EGF: variants seen among roughly 807,000 people sequenced by gnomAD.
The protein encoded by EGF is pro-epidermal growth factor.
Under a neutral mutation model 143.8 loss-of-function variants are expected in EGF, and 95 were observed. That is an observed-to-expected ratio of 0.66 (90% CI 0.56 to 0.78). The LOEUF is 0.78. Ranked by LOEUF, EGF falls within the 30% of genes least tolerant of loss-of-function variation. The probability of loss-of-function intolerance (pLI) is 0.00; values close to 1 mark genes in which losing one functional copy is unlikely to be tolerated. For missense variants in EGF, 1,320 were observed against 1,470.9 expected (o/e 0.90, Z 1.68); for synonymous variants, 510 against 510.5 (o/e 1.00, Z 0.01).
Position 109,963,299 on chromosome 4 carries a change from G to A in EGF, c.1438+1G>A, listed in dbSNP as rs975502951. 1 of 1,613,774 alleles carries A rather than the reference G, an allele frequency of 6.2e-7. No individual in the cohort carries two copies. Among genetic ancestry groups the A allele is most frequent in the Non-Finnish European group, 8.5e-7 (1 of 1,179,868 alleles). ...GATGAAAAAAGCTGTGCAGCTTCAG[G>A]TTAGTGCTGTGGTTGTCTGGAACTG... is the stretch of plus-strand genomic sequence containing the variant. On this transcript the variant is annotated splice_donor_variant, in intron 9 of 23. Coordinates refer to ENST00000265171, the MANE Select transcript of EGF (RefSeq NM_001963.6). LOFTEE classifies it high-confidence loss of function.
At chr4:109,940,654 A>G (rs1741768026) in intron 1 of EGF, 2 of 331,020 alleles carry the variant, frequency 6.0e-6, no homozygotes, top group Non-Finnish European at 1.1e-5. Flanking sequence ...TTTTGAACAT[A>G]AAAAGGTATT....
At chr4:109,987,441 GTT>G (rs1433816665) in intron 16 of EGF, among the ~76,000 whole-genome samples, 3 of 151,954 alleles carry the variant, frequency 2.0e-5, no homozygotes, top group Non-Finnish European at 4.4e-5. Context: ...CTATACACCA[GTT>G]TTCAGTAGAG....
intron 16 of EGF, among the ~76,000 whole-genome samples, chr4:109,985,345 G>A (rs1749975062): frequency 6.6e-6 from 1 of 152,194 alleles, no homozygotes; most frequent in African/African-American, 2.4e-5. Context: ...CATCAACAAA[G>A]TGTCTATGGC....
chr4:109,984,234 A>G (rs148550702), intron 16 of EGF, among the ~76,000 whole-genome samples: 4 of 149,836 alleles, frequency 2.7e-5, no homozygotes, highest in African/African-American at 1.0e-4. Context: ...CACTTTAACA[A>G]GATGTATGTG....
In EGF at chr4:109,999,714, A is replaced by G. The variant is rs1170573018; in HGVS notation, c.3041A>G (p.Tyr1014Cys). ...VVGYIGERCQ[Y>C]RDLKWWELRH... ...GGCTACATCGGGGAGCGATGTCAGT[A>G]CCGAGACCTGAAGTGGTGGGAACTG... The change falls in exon 21 of 24, where the codon TAC becomes TGC. Residue 1014 changes from tyrosine (Y) to cysteine (C), a missense_variant. By Grantham distance (194) the Tyr-to-Cys change is radical. Transcript: ENST00000265171. 6.2e-7 allele frequency: 1 copy of G among 1,613,952 alleles called. No homozygotes were observed. Among genetic ancestry groups the G allele is most frequent in the African/African-American group, 1.3e-5 (1 of 74,902 alleles).
At chr4:109,993,091 T>C (rs1191599426) in intron 18 of EGF, among the ~76,000 whole-genome samples, 156 bp from the exon 19 acceptor site, 1 of 152,000 alleles carries the variant, frequency 6.6e-6, no homozygotes, top group Non-Finnish European at 1.5e-5. Context: ...GAACTTTAAG[T>C]ATAATAAAAA....
chr4:109,990,981 GGGGCA>G (rs986689303), intron 18 of EGF, among the ~76,000 whole-genome samples: 2 of 152,122 alleles, frequency 1.3e-5, no homozygotes, highest in Non-Finnish European at 2.9e-5. Flanking sequence ...ATGAATTGGA[GGGGCA>G]GGGACACATT....
intron 20 of EGF, among the ~76,000 whole-genome samples, chr4:109,996,359 T>A (rs954909276): frequency 3.3e-5 from 5 of 152,194 alleles, no homozygotes; most frequent in Non-Finnish European, 7.3e-5. Context: ...TTGCTACAAA[T>A]GACAAACTGG....
chr4:109,967,150 T>C (rs919774345), intron 10 of EGF, among the ~76,000 whole-genome samples: 1 of 152,214 alleles, frequency 6.6e-6, no homozygotes, highest in Non-Finnish European at 1.5e-5. Context: ...CTTTTAGTTC[T>C]TCTTCTAGGA....
At chr4:109,934,388 G>A (rs921287480) in intron 1 of EGF, among the ~76,000 whole-genome samples, 2 of 152,214 alleles carry the variant, frequency 1.3e-5, no homozygotes, top group African/African-American at 2.4e-5. Context: ...CATATCCTTC[G>A]TCCACTTTTT....
At position 109,914,411 on chromosome 4, in the gene EGF, A is replaced by C. The variant is rs188380852; in HGVS notation, c.127+949A>C. ...GAGACACCTATGGAAGACAGTACAC[A>C]ATAGGCAATAGTTTGAATAAAGAGA... On this transcript the variant is annotated intron_variant, in intron 1 of 23. Coordinates refer to ENST00000265171, the MANE Select transcript of EGF (RefSeq NM_001963.6). 9.2e-5 allele frequency among the ~76,000 whole-genome samples: 14 copies of C among 152,330 alleles called. 1 individual carries two copies. The Middle Eastern group carries it at 0.01, about 111-fold the overall frequency.
At chr4:110,004,382 T>G (rs1752981329) in intron 21 of EGF, 123 bp from the exon 22 acceptor site, 1 of 830,354 alleles carries the variant, frequency 1.2e-6, no homozygotes, top group Non-Finnish European at 2.1e-6. Context: ...TTCATATTTC[T>G]TCTCTCCCAC....
chr4:109,985,434 A>G (rs1749989345), intron 16 of EGF, among the ~76,000 whole-genome samples: 1 of 152,242 alleles, frequency 6.6e-6, no homozygotes, highest in Non-Finnish European at 1.5e-5. Context: ...TGGGCCCTGT[A>G]TGAAACAACC....
At chr4:109,924,263 T>C (rs373869757) in intron 1 of EGF, among the ~76,000 whole-genome samples, 3 of 151,562 alleles carry the variant, frequency 2.0e-5, no homozygotes, top group Non-Finnish European at 4.4e-5. Context: ...AAATTTACAA[T>C]GCACATGACA....
chr4:109,934,702 A>C lies in EGF; in HGVS notation c.128-6244A>C, dbSNP rs546910370. 2.0e-5 allele frequency among the ~76,000 whole-genome samples: 3 copies of C among 152,172 alleles called. No homozygotes were observed. The South Asian group carries it at 6.2e-4, about 31-fold the overall frequency. On this transcript the variant is annotated intron_variant, in intron 1 of 23. Transcript: ENST00000265171. Reference sequence around the variant, plus strand: ...GGGTTTTTATGGTTTTAGGTCTTACATTTAAGTCTTTAATCAATCTTGAGT... The same window carrying C: ...GGGTTTTTATGGTTTTAGGTCTTACCTTTAAGTCTTTAATCAATCTTGAGT...
At position 109,941,816 on chromosome 4, in the gene EGF, A is replaced by T. The variant is rs994390332; in HGVS notation, c.327+671A>T. Among the ~76,000 whole-genome samples, 3 of 152,228 alleles carry T rather than the reference A, an allele frequency of 2.0e-5. No homozygotes were observed. In the East Asian group the frequency reaches 5.8e-4, roughly 29 times the overall value. On this transcript the variant is annotated intron_variant, in intron 2 of 23. Coordinates refer to ENST00000265171, the MANE Select transcript of EGF (RefSeq NM_001963.6). ...AAAAATAATATAGCAGATGACAGAT[A>T]AGTACTTTACTTCATGTACATACAA...
At chr4:109,960,803 G>C in intron 6 of EGF, 64 bp from the exon 7 acceptor site, 3 of 1,602,230 alleles carry the variant, frequency 1.9e-6, no homozygotes, top group South Asian at 2.2e-5. Flanking sequence ...TGACTTATTA[G>C]TGATAGCACA....
chr4:109,927,499 C>A (rs1468172711), intron 1 of EGF, among the ~76,000 whole-genome samples: 1 of 151,880 alleles, frequency 6.6e-6, no homozygotes, highest in South Asian at 2.1e-4. Flanking sequence ...CCGAGGCAGG[C>A]GGATCACGAG....
At chr4:109,940,788 A>G (rs1035432458) in intron 1 of EGF, 158 bp from the exon 2 acceptor site, 2 of 708,890 alleles carry the variant, frequency 2.8e-6, no homozygotes, top group Non-Finnish European at 4.7e-6. Flanking sequence ...GTGAATATCT[A>G]CAGGAACTCT....
Sources: allele counts gnomAD v4.1 joint callset (sites outside exome capture counted in the v4.1 genomes callset), GRCh38; gene constraint gnomAD v4.1.1; transcripts MANE v1.5; gene names NCBI Gene and HGNC (gene_info 2026-07-23, HGNC 2026-07-21).